Variants in NSMAF observed in about 807,000 individuals in gnomAD.
NSMAF encodes the protein protein FAN.
A neutral mutation model predicts 134.9 loss-of-function variants in NSMAF; 90 were observed. The ratio of observed to expected loss-of-function variants is 0.67; its 90% CI spans 0.56 to 0.79. NSMAF has a LOEUF of 0.79. NSMAF is among the 30% of genes least tolerant of loss of function. The probability of loss-of-function intolerance (pLI) is 0.00; values close to 1 mark genes in which losing one functional copy is unlikely to be tolerated. For missense variants in NSMAF, 1,010 were observed against 1,119.0 expected, an observed-to-expected ratio of 0.90 and a Z score of 1.39; for synonymous variants, 358 against 389.6, an observed-to-expected ratio of 0.92 and a Z score of 0.96.
intron 16 of NSMAF, 69 bp downstream of exon 16, chr8:58,601,216 G>C: frequency 7.7e-7 from 1 of 1,307,136 alleles, no homozygotes. Flanking sequence ...CCAGTGCTTT[G>C]AAACAAGTAT....
intron 2 of NSMAF, among the ~76,000 whole-genome samples, chr8:58,640,367 G>A (rs1305652388): frequency 6.6e-6 from 1 of 152,052 alleles, no homozygotes; most frequent in Non-Finnish European, 1.5e-5. Context: ...GGAGGAAAGT[G>A]CATGAAAAAG....
chr8:58,600,297 G>A (rs560260159), intron 16 of NSMAF: 1 of 383,816 alleles, frequency 2.6e-6, no homozygotes, highest in East Asian at 4.7e-5. Flanking sequence ...CTCATCCAAG[G>A]GCCAAATGGA....
chr8:58,608,810 T>C (rs1256113356), intron 10 of NSMAF, among the ~76,000 whole-genome samples: 1 of 152,190 alleles, frequency 6.6e-6, no homozygotes, highest in African/African-American at 2.4e-5. Flanking sequence ...GATGTTTTAG[T>C]GCCCTGTAAT....
chr8:58,615,640 C>T (rs1806638328), intron 9 of NSMAF, among the ~76,000 whole-genome samples: 1 of 151,894 alleles, frequency 6.6e-6, no homozygotes, highest in Admixed American at 6.6e-5. Context: ...TTAATGGTAA[C>T]AAAAAACATA....
chr8:58,625,180 C>T (rs1390544824), intron 6 of NSMAF, among the ~76,000 whole-genome samples: 1 of 152,146 alleles, frequency 6.6e-6, no homozygotes, highest in Admixed American at 6.5e-5. Context: ...TTCCTGTCTT[C>T]AAGCTGGGAT....
chr8:58,646,049 T>C (rs188480052), intron 1 of NSMAF, among the ~76,000 whole-genome samples: 271 of 151,234 alleles, frequency 1.8e-3, no homozygotes, highest in African/African-American at 6.4e-3. Context: ...CTCAAAATCA[T>C]CATCATCATC....
intron 18 of NSMAF, 158 bp from the exon 19 acceptor site, chr8:58,599,521 T>A: frequency 1.0e-6 from 1 of 1,004,298 alleles, no homozygotes; most frequent in South Asian, 1.9e-5. Flanking sequence ...GTAAGTTTTT[T>A]GGGGAAAAAA....
chr8:58,636,972 T>G (rs570675023), intron 2 of NSMAF, among the ~76,000 whole-genome samples: 2 of 152,140 alleles, frequency 1.3e-5, no homozygotes, highest in East Asian at 3.9e-4. Context: ...GTTACAAAAA[T>G]GAGTTGTTGT....
intron 6 of NSMAF, among the ~76,000 whole-genome samples, chr8:58,627,134 G>A (rs879224917): frequency 6.6e-6 from 1 of 152,168 alleles, no homozygotes; most frequent in Non-Finnish European, 1.5e-5. Context: ...TGTGGTTTGC[G>A]AAAATTTTCT....
chr8:58,635,099 T>G (rs1807138903), intron 5 of NSMAF, 90 bp downstream of exon 5: 3 of 976,652 alleles, frequency 3.1e-6, no homozygotes, highest in Non-Finnish European at 4.8e-6. Context: ...TTCCATGGTC[T>G]TCATCTGATA....
rs1395910934 is a variant in NSMAF, at chr8:58,643,083, G to A, written c.60-10C>T. 6.2e-7 allele frequency: 1 copy of A among 1,610,178 alleles called. No homozygotes were observed. The highest frequency in any genetic ancestry group is 8.5e-7 in the Non-Finnish European group (1 of 1,176,552). On this transcript the variant is annotated splice_polypyrimidine_tract_variant and intron_variant, in intron 1 of 30. Coordinates refer to ENST00000038176, the MANE Select transcript of NSMAF (RefSeq NM_003580.4). ...CAGCAGCAAGGAAAATCTGGATTTGGGGCGAAAAAACAACTTTCAGTTTAT... is the reference window on the plus strand; with the variant it reads ...CAGCAGCAAGGAAAATCTGGATTTGAGGCGAAAAAACAACTTTCAGTTTAT...
chr8:58,590,596 T>C (rs1229384856), intron 24 of NSMAF, among the ~76,000 whole-genome samples: 1 of 152,148 alleles, frequency 6.6e-6, no homozygotes, highest in African/African-American at 2.4e-5. Context: ...GTCTGACAGC[T>C]AAAAAAGGGA....
intron 9 of NSMAF, among the ~76,000 whole-genome samples, chr8:58,613,826 C>T (rs553904445): frequency 1.3e-5 from 2 of 152,148 alleles, no homozygotes; most frequent in Admixed American, 6.5e-5. Flanking sequence ...TGTATCATAT[C>T]GGTGTGCCTC....
chr8:58,584,350 C>A, intron 30 of NSMAF, 150 bp from the exon 31 acceptor site: 1 of 615,104 alleles, frequency 1.6e-6, no homozygotes, highest in Non-Finnish European at 2.9e-6. Flanking sequence ...TATAATAAAA[C>A]CCTTGAATAA....
rs768994849 is a variant in NSMAF, at chr8:58,597,428, G to A, written c.1751C>T (p.Ser584Phe). Residue 584 changes from serine (S) to phenylalanine (F), a missense_variant, in exon 21 of 31, where the codon TCC becomes TTC. Transcript: ENST00000038176. ...RRITPKFKSLSQTSSYNASMA... is the reference protein window; with the variant it reads ...RRITPKFKSLFQTSSYNASMA... ...AGAAGCATTATAACTGGAGGTCTGG[G>A]ACAAACTTTTAAACTTTGGGGTGAT... 1.9e-6 allele frequency: 3 copies of A among 1,614,158 alleles called. No homozygotes were observed. The highest frequency in any genetic ancestry group is 2.5e-6 in the Non-Finnish European group (3 of 1,180,006).
rs758437725 is a variant in NSMAF, at chr8:58,595,653, T to C, written c.1799A>G (p.Glu600Gly). 17 of 1,611,020 alleles carry C rather than the reference T, an allele frequency of 1.1e-5. No individual in the cohort carries two copies. The highest frequency in any genetic ancestry group is 1.6e-4 in the Middle Eastern group (1 of 6,076). ...NASMADSPGE[E>G]SFEDLTEESK... is the part of the protein sequence containing the mutation. ...TTCTTCGGTCAGGTCTTCAAAAGAC[T>C]CTTCACCTGGAGAGACGACATTAAA... The change falls in exon 22 of 31, where the codon GAG (glutamate) becomes GGG (glycine). Residue 600 changes from glutamate to glycine, a missense_variant. By Grantham distance (98) the Glu-to-Gly change is moderately conservative (BLOSUM62 -2). Coordinates refer to ENST00000038176, the MANE Select transcript of NSMAF (RefSeq NM_003580.4).
At chr8:58,604,552 TATATA>T (rs1806359776) in intron 12 of NSMAF, among the ~76,000 whole-genome samples, 1 of 97,178 alleles carries the variant, frequency 1.0e-5, no homozygotes, top group African/African-American at 3.3e-5. Flanking sequence ...TACATAGATA[TATATA>T]ATATATATAT....
At chr8:58,636,337 C>G (rs562031292) in intron 2 of NSMAF, among the ~76,000 whole-genome samples, 47 of 152,152 alleles carry the variant, frequency 3.1e-4, no homozygotes, top group Non-Finnish European at 5.9e-4. Context: ...AAGACAGCCT[C>G]TCTTAATAAG....
intron 21 of NSMAF, 79 bp downstream of exon 21, chr8:58,597,308 C>A: frequency 7.7e-7 from 1 of 1,290,380 alleles, no homozygotes; most frequent in South Asian, 1.3e-5. Context: ...CAGTATACGT[C>A]TTATCTCCTC....
Sources: allele counts gnomAD v4.1 joint callset (sites outside exome capture counted in the v4.1 genomes callset), GRCh38; gene constraint gnomAD v4.1.1; transcripts MANE v1.5; gene names NCBI Gene and HGNC (gene_info 2026-07-23, HGNC 2026-07-21).